MOXD1: variants seen among roughly 807,000 people sequenced by gnomAD.
MOXD1 encodes the protein DBH-like monooxygenase protein 1.
Under a neutral mutation model 66.6 loss-of-function variants are expected in MOXD1, and 62 were observed. That is an observed-to-expected ratio of 0.93 (90% CI 0.76 to 1.15). The LOEUF (loss-of-function observed/expected upper bound fraction) is 1.15. Among genes scored for constraint, MOXD1 ranks in the 50% most tolerant of loss-of-function variants. The probability of loss-of-function intolerance (pLI) is 0.00; values close to 1 mark genes in which losing one functional copy is unlikely to be tolerated. For synonymous variants in MOXD1, 303 were observed against 281.9 expected, an observed-to-expected ratio of 1.07 and a Z score of -0.75; for missense variants, 847 against 754.6, an observed-to-expected ratio of 1.12 and a Z score of -1.44.
intron 10 of MOXD1, among the ~76,000 whole-genome samples, chr6:132,313,536 A>G (rs1462337823): frequency 6.6e-6 from 1 of 152,196 alleles, no homozygotes; most frequent in African/African-American, 2.4e-5. Flanking sequence ...AAACTTGACC[A>G]TATTTCTATT....
At chr6:132,298,521 A>G (rs1293482193) in intron 10 of MOXD1, among the ~76,000 whole-genome samples, 1 of 152,158 alleles carries the variant, frequency 6.6e-6, no homozygotes, top group Non-Finnish European at 1.5e-5. Context: ...TACACTATAA[A>G]AGCCTGACCC....
In MOXD1 at chr6:132,322,858, C is replaced by T. The variant is rs146998322; in HGVS notation, c.1126G>A (p.Glu376Lys). 3.3e-5 allele frequency: 54 copies of T among 1,612,812 alleles called. No individual in the cohort carries two copies. Among genetic ancestry groups the T allele is most frequent in the South Asian group, 8.8e-5 (8 of 90,786 alleles). Reference sequence around the variant, plus strand: ...AACACATGAATTCCACTTGGCTTTTCGGCTTCCAGAGCCTACAGGAGACAC... The same window carrying T: ...AACACATGAATTCCACTTGGCTTTTTGGCTTCCAGAGCCTACAGGAGACAC... ...LECLEEALEA[E>K]KPSGIHVFAV... Residue 376 changes from glutamate to lysine, a missense_variant, in exon 8 of 12, where the codon GAA becomes AAA. Coordinates refer to ENST00000367963, the MANE Select transcript of MOXD1 (RefSeq NM_015529.4).
At chr6:132,397,807 C>T (rs980000915) in intron 1 of MOXD1, among the ~76,000 whole-genome samples, 1 of 152,160 alleles carries the variant, frequency 6.6e-6, no homozygotes, top group Non-Finnish European at 1.5e-5. Flanking sequence ...GTAATTCACT[C>T]ACAAAACCCC....
chr6:132,320,753 T>C (rs1775061753), intron 8 of MOXD1, 65 bp from the exon 9 acceptor site: 2 of 1,329,302 alleles, frequency 1.5e-6, no homozygotes, highest in Non-Finnish European at 1.1e-6. Flanking sequence ...CAAATACATT[T>C]GTACGTCAAC....
chr6:132,356,658 A>T (rs1010122129), intron 4 of MOXD1, among the ~76,000 whole-genome samples: 5 of 152,196 alleles, frequency 3.3e-5, no homozygotes, highest in Non-Finnish European at 5.9e-5. Context: ...TATGGTTTAT[A>T]CATAATAGGA....
At chr6:132,321,980 T>C (rs1280856056) in intron 8 of MOXD1, among the ~76,000 whole-genome samples, 2 of 152,216 alleles carry the variant, frequency 1.3e-5, no homozygotes, top group Non-Finnish European at 2.9e-5. Context: ...CTAAAAACCC[T>C]GTCTCCAGCA....
chr6:132,344,996 A>G (rs1775641823), intron 4 of MOXD1, among the ~76,000 whole-genome samples: 1 of 152,160 alleles, frequency 6.6e-6, no homozygotes. Flanking sequence ...TGTGACAGGA[A>G]CCAGCTGCCC....
intron 10 of MOXD1, among the ~76,000 whole-genome samples, chr6:132,307,158 A>G (rs1325148909): frequency 6.6e-6 from 1 of 152,178 alleles, no homozygotes; most frequent in Non-Finnish European, 1.5e-5. Context: ...GGCTCAAAAT[A>G]AAGGGATAGA....
chr6:132,344,812 C>A lies in MOXD1; in HGVS notation c.664-16218G>T, dbSNP rs76917422. ...CCACCTTTGAGTTGAGAGCACTACCCAACTTTGGGTAAATAGGCTGCCCAA... is the reference window on the plus strand; with the variant it reads ...CCACCTTTGAGTTGAGAGCACTACCAAACTTTGGGTAAATAGGCTGCCCAA... On this transcript the variant is annotated intron_variant, in intron 4 of 11. Transcript: ENST00000367963. 3.8e-3 allele frequency among the ~76,000 whole-genome samples: 584 copies of A among 152,304 alleles called. 3 individuals are homozygous for A. Among genetic ancestry groups the A allele is most frequent in the Middle Eastern group, 0.027 (8 of 294 alleles).
chr6:132,349,406 CATATATATAT>C (rs539329852), intron 4 of MOXD1, among the ~76,000 whole-genome samples: 7 of 72,042 alleles, frequency 9.7e-5, no homozygotes, highest in Non-Finnish European at 1.7e-4. Context: ...CATATATATA[CATATATATAT>C]ATATACATAT....
chr6:132,341,421 G>A (rs1775560010), intron 4 of MOXD1, among the ~76,000 whole-genome samples: 1 of 152,170 alleles, frequency 6.6e-6, no homozygotes, highest in South Asian at 2.1e-4. Context: ...TTTTGTTATA[G>A]CAACACAGAC....
At position 132,392,080 on chromosome 6, in the gene MOXD1, C is replaced by T. The variant is rs1776777337; in HGVS notation, c.264+9083G>A. On this transcript the variant is annotated intron_variant, in intron 1 of 11. Coordinates refer to ENST00000367963, the MANE Select transcript of MOXD1 (RefSeq NM_015529.4). ...AGGGTTGCACACTCTCTTCATCTCT[C>T]CCTTACAGCCTTTCAATTTGCTTTC... is the stretch of plus-strand genomic sequence containing the variant. 6.9e-6 allele frequency: 8 copies of T among 1,158,658 alleles called. No homozygotes were observed. The African/African-American group carries it at 9.3e-5, about 13-fold the overall frequency. The allele number at this position is 1,158,658 out of a possible 1,614,324, so 71.8% of individuals were successfully genotyped here. A position where few individuals can be genotyped will look rare whatever the true frequency, so the allele number is the denominator to read the frequency against.
In MOXD1 at chr6:132,329,883, G is replaced by A. The variant is rs564499966; in HGVS notation, c.664-1289C>T. 1.7e-4 allele frequency among the ~76,000 whole-genome samples: 26 copies of A among 152,202 alleles called. No homozygotes were observed. In the East Asian group the frequency reaches 3.5e-3, roughly 20 times the overall value. ...AAAAAAAACATTGTTAGCTATGTGC[G>A]CTTGTGACACTGCTCAAATTAAAAG... On this transcript the variant is annotated intron_variant, in intron 4 of 11. Coordinates refer to ENST00000367963, the MANE Select transcript of MOXD1 (RefSeq NM_015529.4).
At chr6:132,371,516 G>A (rs985756062) in intron 4 of MOXD1, among the ~76,000 whole-genome samples, 4 of 152,042 alleles carry the variant, frequency 2.6e-5, no homozygotes, top group African/African-American at 9.7e-5. Flanking sequence ...AGAAAACTAG[G>A]GAAATATATT....
intron 4 of MOXD1, among the ~76,000 whole-genome samples, chr6:132,346,077 T>C (rs919664718): frequency 6.6e-6 from 1 of 152,010 alleles, no homozygotes; most frequent in African/African-American, 2.4e-5. Context: ...GGGGATTTTT[T>C]TTAATGATTT....
intron 4 of MOXD1, among the ~76,000 whole-genome samples, chr6:132,364,119 A>G (rs1291420474): frequency 6.6e-6 from 1 of 152,182 alleles, no homozygotes; most frequent in Non-Finnish European, 1.5e-5. Flanking sequence ...ATGGAAGACT[A>G]ATGGGTGACT....
chr6:132,376,748 C>G, intron 1 of MOXD1, among the ~76,000 whole-genome samples: 1 of 60,890 alleles, frequency 1.6e-5, no homozygotes, highest in South Asian at 5.2e-4. Flanking sequence ...CTCCTGACCT[C>G]GTGATCCGCC....
chr6:132,336,369 A>C (rs1370841156), intron 4 of MOXD1, among the ~76,000 whole-genome samples: 2 of 152,206 alleles, frequency 1.3e-5, no homozygotes, highest in Non-Finnish European at 2.9e-5. Context: ...GATGCTGCCT[A>C]TGGGAACATT....
chr6:132,362,592 G>T (rs1209425757), intron 4 of MOXD1, among the ~76,000 whole-genome samples: 1 of 152,106 alleles, frequency 6.6e-6, no homozygotes, highest in African/African-American at 2.4e-5. Flanking sequence ...AAATTTAACT[G>T]CCAAGTGAAA....
Sources: gnomAD v4.1 joint callset for allele counts (sites outside exome capture counted in the v4.1 genomes callset) on GRCh38, gnomAD v4.1.1 for gene constraint, MANE v1.5 for transcripts, NCBI Gene and HGNC (gene_info 2026-07-23, HGNC 2026-07-21) for gene names.